Variants in SP3 observed in about 807,000 individuals in gnomAD.
SP3 encodes the protein Sp3 transcription factor.
A neutral mutation model predicts 70.3 loss-of-function variants in SP3; 10 were observed. The ratio of observed to expected loss-of-function variants is 0.14; its 90% confidence interval spans 0.09 to 0.24. SP3 has a LOEUF of 0.24. Among genes scored for constraint, SP3 ranks in the 10% least tolerant of loss-of-function variants. The probability of loss-of-function intolerance (pLI) is 1.00; values close to 1 mark genes in which losing one functional copy is unlikely to be tolerated. For synonymous variants in SP3, 402 were observed against 333.5 expected, an observed-to-expected ratio of 1.21 and a Z score of -2.24; for missense variants, 825 against 914.6, an observed-to-expected ratio of 0.90 and a Z score of 1.26.
At chr2:173,958,504 G>C (rs1263604323) in intron 3 of SP3, among the ~76,000 whole-genome samples, 2 of 150,706 alleles carry the variant, frequency 1.3e-5, no homozygotes, top group Admixed American at 6.6e-5. Context: ...CTAGAGCAAA[G>C]TGATGTATTC....
intron 4 of SP3, among the ~76,000 whole-genome samples, chr2:173,950,482 C>G (rs2105492852): frequency 6.6e-6 from 1 of 152,036 alleles, no homozygotes; most frequent in African/African-American, 2.4e-5. Context: ...AGTTCAAGAC[C>G]AACTTGGGCA....
intron 3 of SP3, among the ~76,000 whole-genome samples, chr2:173,962,216 T>C (rs1423525938): frequency 6.6e-6 from 1 of 152,192 alleles, no homozygotes; most frequent in African/African-American, 2.4e-5. Flanking sequence ...CATACACATA[T>C]TATTCACCCA....
chr2:173,910,031 A>G lies in SP3; in HGVS notation c.2256T>C (p.Asn752=). The G allele has an allele frequency of 6.2e-7, 1 of 1,613,868 alleles. No homozygotes were observed. Among genetic ancestry groups the G allele is most frequent in the Non-Finnish European group, 8.5e-7 (1 of 1,179,838 alleles). Residue 752 remains asparagine (N), a synonymous_variant, in exon 7 of 7, where the codon AAT becomes AAC. Coordinates refer to ENST00000310015, the MANE Select transcript of SP3 (RefSeq NM_003111.5). The part of the protein sequence containing the change: ...QGSVSGIGTV[N]TSATSNQDIL... ...TATCTTGATTGCTGGTGGCGGAAGTATTAACAGTTCCTATCCCTGAAACAG... is the reference window on the plus strand; with the variant it reads ...TATCTTGATTGCTGGTGGCGGAAGTGTTAACAGTTCCTATCCCTGAAACAG...
intron 5 of SP3, chr2:173,914,497 TA>T (rs1689576228): frequency 6.6e-6 from 1 of 152,210 alleles, no homozygotes; most frequent in African/African-American, 2.4e-5. Context: ...CAAACAGTGC[TA>T]AACGGTGCAG....
chr2:173,963,734 C>A, intron 3 of SP3, 27 bp downstream of exon 3: 1 of 946,418 alleles, frequency 1.1e-6, no homozygotes, highest in Non-Finnish European at 1.3e-6. Context: ...CCGGCCTCGG[C>A]GGGGGCGGGC....
At chr2:173,959,174 T>C (rs1407216370) in intron 3 of SP3, among the ~76,000 whole-genome samples, 1 of 152,090 alleles carries the variant, frequency 6.6e-6, no homozygotes, top group Non-Finnish European at 1.5e-5. Flanking sequence ...TTAAGCCTAT[T>C]TATTTCCACA....
At chr2:173,919,960 C>T (rs1419632640) in intron 4 of SP3, among the ~76,000 whole-genome samples, 2 of 151,958 alleles carry the variant, frequency 1.3e-5, no homozygotes, top group South Asian at 2.1e-4. Context: ...CACATATCCC[C>T]TAGTATTGGA....
In SP3 at chr2:173,903,705, A is replaced by T. The variant is rs774743165; in HGVS notation, c.*6236T>A. 1.3e-5 allele frequency among the ~76,000 whole-genome samples: 2 copies of T among 152,216 alleles called. No individual in the cohort carries two copies. The highest frequency in any genetic ancestry group is 6.5e-5 in the Admixed American group (1 of 15,288). On this transcript the variant is annotated 3_prime_UTR_variant, in exon 7 of 7. Coordinates refer to ENST00000310015, the MANE Select transcript of SP3 (RefSeq NM_003111.5). ...AATGCTGGCAGAAAGTCAGTATTCC[A>T]CAAGACCAACCACAGATAAAGATAC...
At chr2:173,936,991 T>C (rs1249257080) in intron 4 of SP3, among the ~76,000 whole-genome samples, 4 of 152,200 alleles carry the variant, frequency 2.6e-5, no homozygotes, top group Non-Finnish European at 4.4e-5. Context: ...TTGATTTATA[T>C]TGCAGATCAC....
rs2105498108 is a variant in SP3, at chr2:173,954,921, A to C, written c.1591T>G (p.Ser531Ala). 1 of 1,614,178 alleles carries C rather than the reference A, an allele frequency of 6.2e-7. No individual in the cohort carries two copies. Among genetic ancestry groups the C allele is most frequent in the East Asian group, 2.2e-5 (1 of 44,892 alleles). The change falls in exon 4 of 7, where the codon TCT becomes GCT. Residue 531 changes from serine to alanine, a missense_variant. This residue lies in a region of SP3 where 678 missense variants were observed against 651.6 expected (regional missense o/e 1.04). Coordinates refer to ENST00000310015, the MANE Select transcript of SP3 (RefSeq NM_003111.5). ...CCTGGATGTAGCTGTATACCAGCAG[A>C]ATCTATAGAGTTCACTGTAACTGTT... is the stretch of plus-strand genomic sequence containing the variant. ...LQTVTVNSID[S>A]AGIQLHPGEN...
At chr2:173,940,332 A>G (rs1371658427) in intron 4 of SP3, among the ~76,000 whole-genome samples, 1 of 152,142 alleles carries the variant, frequency 6.6e-6, no homozygotes, top group Non-Finnish European at 1.5e-5. Context: ...TTTCATAAGG[A>G]GCTTGCAACC....
chr2:173,955,254 T>C lies in SP3; in HGVS notation c.1258A>G (p.Thr420Ala). ...AQIVQGITPQ[T>A]IHGVQASGQN... ...CCACTGGCTTGCACACCATGGATTG[T>C]CTGTGGTGTAATACCTTGCACAATT... Residue 420 changes from threonine to alanine, a missense_variant, in exon 4 of 7, where the codon ACA (threonine) becomes GCA (alanine). Transcript: ENST00000310015. The C allele has an allele frequency of 6.2e-7, 1 of 1,614,138 alleles. No individual in the cohort carries two copies.
intron 4 of SP3, among the ~76,000 whole-genome samples, chr2:173,921,903 ACTCTTT>A (rs1258525258): frequency 1.3e-5 from 2 of 151,472 alleles, no homozygotes; most frequent in Non-Finnish European, 2.9e-5. Context: ...CTTCCCTCCT[ACTCTTT>A]CTCTGTCTCT....
Position 173,902,436 on chromosome 2 carries a change from A to G in SP3, c.*7505T>C, listed in dbSNP as rs771429355. On this transcript the variant is annotated 3_prime_UTR_variant, in exon 7 of 7. Coordinates refer to ENST00000310015, the MANE Select transcript of SP3 (RefSeq NM_003111.5). ...ATTTGGAAGTATCTGGTGAAACTGAAGATTAAGAATATCCTGTTGGCCAGT... is the reference window on the plus strand; with the variant it reads ...ATTTGGAAGTATCTGGTGAAACTGAGGATTAAGAATATCCTGTTGGCCAGT... Among the ~76,000 whole-genome samples, 9 of 152,226 alleles carry G rather than the reference A, an allele frequency of 5.9e-5. No homozygotes were observed. Among genetic ancestry groups the G allele is most frequent in the Non-Finnish European group, 1.3e-4 (9 of 68,030 alleles).
intron 4 of SP3, among the ~76,000 whole-genome samples, chr2:173,930,017 C>A (rs1690027406): frequency 6.6e-6 from 1 of 152,160 alleles, no homozygotes; most frequent in Admixed American, 6.5e-5. Flanking sequence ...CCCCATGAGA[C>A]AGTGTGTCTA....
chr2:173,922,559 G>A (rs1689785581), intron 4 of SP3, among the ~76,000 whole-genome samples: 1 of 151,716 alleles, frequency 6.6e-6, no homozygotes, highest in Non-Finnish European at 1.5e-5. Context: ...GTAGACAGGA[G>A]GAAACCCTGC....
In SP3 at chr2:173,963,788, T is replaced by TGCG; in HGVS notation, c.249_251dup (p.Ala85dup). On this transcript the variant is annotated inframe_insertion, in exon 3 of 7. Coordinates refer to ENST00000310015, the MANE Select transcript of SP3 (RefSeq NM_003111.5). Reference sequence around the variant, plus strand: ...CTCCGGCGGCGGCGGGGGCCCCGGCTGCGGCGGCCGCCTCCTCCTCGTCGT... The same window carrying TGCG: ...CTCCGGCGGCGGCGGGGGCCCCGGCTGCGGCGGCGGCCGCCTCCTCCTCGTCGT... 3 of 1,391,974 alleles carry TGCG rather than the reference T, an allele frequency of 2.2e-6. No individual in the cohort carries two copies. The highest frequency in any genetic ancestry group is 2.8e-6 in the Non-Finnish European group (3 of 1,057,808). The allele number at this position is 1,391,974 out of a possible 1,614,324, so 86.2% of individuals were successfully genotyped here. A position where few individuals can be genotyped will look rare whatever the true frequency, so the allele number is the denominator to read the frequency against.
intron 4 of SP3, among the ~76,000 whole-genome samples, chr2:173,933,240 A>C (rs1690114712): frequency 1.6e-5 from 2 of 124,106 alleles, no homozygotes; most frequent in African/African-American, 5.6e-5. Context: ...TTATTCATGA[A>C]ATGTTTTACA....
chr2:173,929,858 C>T (rs895773809), intron 4 of SP3, among the ~76,000 whole-genome samples: 9 of 152,162 alleles, frequency 5.9e-5, no homozygotes, highest in Non-Finnish European at 4.4e-5. Context: ...AGCAGTTATA[C>T]TTTATTCAGA....
Sources: allele counts gnomAD v4.1 joint callset (sites outside exome capture counted in the v4.1 genomes callset), GRCh38; gene constraint gnomAD v4.1.1; regional missense constraint gnomAD v4.1.1; transcripts MANE v1.5; gene names NCBI Gene and HGNC (gene_info 2026-07-23, HGNC 2026-07-21).